The following TTC39C variants were observed in gnomAD, a reference collection of about 807,000 sequenced individuals.
TTC39C encodes the protein tetratricopeptide repeat protein 39C.
Under a neutral mutation model 76.3 loss-of-function variants are expected in TTC39C, and 33 were observed. The ratio of observed to expected loss-of-function variants is 0.43; its 90% CI spans 0.33 to 0.58. The LOEUF is 0.58. TTC39C is among the 20% of genes least tolerant of loss of function. TTC39C has a pLI of 0.04. For missense variants in TTC39C, 595 were observed against 701.4 expected (o/e 0.85, Z 1.71); for synonymous variants, 254 against 260.6 (o/e 0.97, Z 0.24).
intron 1 of TTC39C, among the ~76,000 whole-genome samples, chr18:24,047,852 T>TA (rs2145705398): frequency 6.6e-6 from 1 of 152,306 alleles, no homozygotes; most frequent in Admixed American, 6.5e-5. Flanking sequence ...ATAACAAAAA[T>TA]ATATGAACCT....
intron 1 of TTC39C, among the ~76,000 whole-genome samples, chr18:24,028,992 C>T (rs2083633215): frequency 6.6e-6 from 1 of 152,044 alleles, no homozygotes; most frequent in South Asian, 2.1e-4. Flanking sequence ...CAAAGTGCTG[C>T]GATTACAGGC....
At chr18:24,131,732 G>T (rs2085132976) in intron 12 of TTC39C, 150 bp from the exon 13 acceptor site, 4 of 531,598 alleles carry the variant, frequency 7.5e-6, no homozygotes, top group South Asian at 5.7e-5. Flanking sequence ...AAAAAAAGAA[G>T]AATATTGGAG....
Position 24,102,161 on chromosome 18 carries a change from C to T in TTC39C, c.985-12393C>T, listed in dbSNP as rs777248209. Among the ~76,000 whole-genome samples the T allele has an allele frequency of 3.9e-5, 6 of 152,304 alleles. No individual in the cohort carries two copies. The South Asian group carries it at 8.3e-4, about 21-fold the overall frequency. The stretch of plus-strand genomic sequence containing the variant: ...TGCTCTTTTCCTATCTAGACAGAAT[C>T]GTGTCTGAATTGTAAATCCCACTAC... On this transcript the variant is annotated intron_variant, in intron 6 of 13. Coordinates refer to ENST00000317571, the MANE Select transcript of TTC39C (RefSeq NM_001135993.2).
chr18:24,101,079 C>T (rs573993880), intron 6 of TTC39C, among the ~76,000 whole-genome samples: 49 of 152,168 alleles, frequency 3.2e-4, no homozygotes, highest in African/African-American at 1.0e-3. Flanking sequence ...TGGAAGCGTT[C>T]GGTAGAACAT....
intron 2 of TTC39C, among the ~76,000 whole-genome samples, chr18:24,065,436 C>T (rs910986519): frequency 3.3e-5 from 5 of 152,294 alleles, no homozygotes; most frequent in South Asian, 2.1e-4. Flanking sequence ...TCCCCTACTT[C>T]GTTAAATGTG....
chr18:23,997,354 C>G (rs1476714927), intron 1 of TTC39C, among the ~76,000 whole-genome samples: 1 of 151,918 alleles, frequency 6.6e-6, no homozygotes, highest in Admixed American at 6.6e-5. Flanking sequence ...AGTTCGAGAC[C>G]AGCCTGGCCA....
chr18:23,998,942 G>T (rs2083291309), intron 1 of TTC39C, among the ~76,000 whole-genome samples: 1 of 149,528 alleles, frequency 6.7e-6, no homozygotes, highest in Non-Finnish European at 1.5e-5. Flanking sequence ...TGTGGCCCTG[G>T]TATCCATTTA....
chr18:24,102,274 T>C (rs1488047321), intron 6 of TTC39C, among the ~76,000 whole-genome samples: 2 of 152,248 alleles, frequency 1.3e-5, no homozygotes, highest in African/African-American at 4.8e-5. Flanking sequence ...ATTCATTTCC[T>C]CTACCATTAG....
intron 1 of TTC39C, chr18:24,020,372 G>A: frequency 6.6e-6 from 6 of 905,480 alleles, no homozygotes; most frequent in Non-Finnish European, 7.9e-6. Context: ...AAAAATACCT[G>A]TGCTATAGTG....
intron 1 of TTC39C, among the ~76,000 whole-genome samples, chr18:24,001,077 T>C (rs1202282721): frequency 6.6e-6 from 1 of 152,064 alleles, no homozygotes; most frequent in African/African-American, 2.4e-5. Flanking sequence ...GAGCTAAACC[T>C]TTACACAGCT....
intron 6 of TTC39C, among the ~76,000 whole-genome samples, chr18:24,092,533 G>T (rs1229649544): frequency 6.6e-6 from 1 of 152,120 alleles, no homozygotes; most frequent in African/African-American, 2.4e-5. Flanking sequence ...TTCATACAAT[G>T]GAATATTATT....
chr18:24,002,052 C>T (rs987743698), intron 1 of TTC39C, among the ~76,000 whole-genome samples: 2 of 152,092 alleles, frequency 1.3e-5, no homozygotes, highest in Non-Finnish European at 1.5e-5. Flanking sequence ...GCTTACTTAT[C>T]CCCTGAGGCA....
intron 1 of TTC39C, chr18:24,020,354 A>T: frequency 1.0e-6 from 1 of 974,916 alleles, no homozygotes; most frequent in Non-Finnish European, 1.2e-6. Context: ...GGAGGAAATT[A>T]TCAGGAAAAA....
At chr18:24,032,074 C>G (rs937930240) in intron 1 of TTC39C, among the ~76,000 whole-genome samples, 6 of 152,098 alleles carry the variant, frequency 3.9e-5, no homozygotes, top group Non-Finnish European at 8.8e-5. Flanking sequence ...GCCCTAAGCC[C>G]GAATGCAGCC....
intron 6 of TTC39C, among the ~76,000 whole-genome samples, chr18:24,088,662 G>T (rs187013666): frequency 5.9e-5 from 9 of 152,254 alleles, no homozygotes; most frequent in Admixed American, 3.9e-4. Context: ...CCCTCACTCC[G>T]TTCCTGCTGA....
At chr18:24,043,420 A>G (rs2083822596) in intron 1 of TTC39C, among the ~76,000 whole-genome samples, 1 of 152,116 alleles carries the variant, frequency 6.6e-6, no homozygotes, top group African/African-American at 2.4e-5. Flanking sequence ...TCCTTTCCCC[A>G]TCTTGGAATT....
At chr18:24,056,780 A>T (rs903274806) in intron 1 of TTC39C, among the ~76,000 whole-genome samples, 1 of 152,128 alleles carries the variant, frequency 6.6e-6, no homozygotes, top group African/African-American at 2.4e-5. Context: ...TGCAGTGAAC[A>T]TAAGAGGCCC....
rs534465511 is a variant in TTC39C, at chr18:24,036,267, C to T, written c.167+21229C>T. On this transcript the variant is annotated intron_variant, in intron 1 of 13. Coordinates refer to ENST00000317571, the MANE Select transcript of TTC39C (RefSeq NM_001135993.2). ...GAGTTTTCTATTTCTGCATAGAAGA[C>T]GTTGGTATTTTGATAGGGATTACAC... is the stretch of plus-strand genomic sequence containing the variant. Among the ~76,000 whole-genome samples the T allele has an allele frequency of 1.8e-4, 27 of 152,194 alleles. No homozygotes were observed. The South Asian group carries it at 3.5e-3, about 20-fold the overall frequency.
intron 6 of TTC39C, among the ~76,000 whole-genome samples, chr18:24,108,913 A>C (rs953548857): frequency 2.0e-5 from 3 of 152,298 alleles, no homozygotes; most frequent in Non-Finnish European, 2.9e-5. Context: ...CTTAATTGCC[A>C]TTTACTGTGA....
Sources: gnomAD v4.1 joint callset for allele counts (sites outside exome capture counted in the v4.1 genomes callset) on GRCh38, gnomAD v4.1.1 for gene constraint, MANE v1.5 for transcripts, NCBI Gene and HGNC (gene_info 2026-07-23, HGNC 2026-07-21) for gene names.